Variants in DYNC2I2 observed in about 807,000 individuals in gnomAD.
The protein encoded by DYNC2I2 is cytoplasmic dynein 2 intermediate chain 2.
Under a neutral mutation model 52.0 loss-of-function variants are expected in DYNC2I2, and 39 were observed. The observed-to-expected ratio is 0.75, with a 90% CI of 0.58 to 0.98. The LOEUF (loss-of-function observed/expected upper bound fraction) is 0.98, where lower values mean the gene tolerates loss of function less well. DYNC2I2 is among the 50% of genes least tolerant of loss of function. The probability of loss-of-function intolerance (pLI) is 0.00; values close to 1 mark genes in which losing one functional copy is unlikely to be tolerated. For synonymous variants in DYNC2I2, 359 were observed against 321.1 expected, an observed-to-expected ratio of 1.12 and a Z score of -1.26; for missense variants, 743 against 728.4, an observed-to-expected ratio of 1.02 and a Z score of -0.23.
Position 128,633,996 on chromosome 9 carries a change from C to A in DYNC2I2, c.1373-14G>T. On this transcript the variant is annotated splice_polypyrimidine_tract_variant and intron_variant, in intron 8 of 8. Coordinates refer to ENST00000372715, the MANE Select transcript of DYNC2I2 (RefSeq NM_052844.4). ...GCTGCACGTCACCTGCAAAGAGAGA[C>A]AGATACGTGGAGTAAGAGAAACTCT... 1.2e-6 allele frequency: 2 copies of A among 1,612,684 alleles called. No homozygotes were observed. Among genetic ancestry groups the A allele is most frequent in the East Asian group, 2.2e-5 (1 of 44,880 alleles).
In DYNC2I2 at chr9:128,656,739, GC is replaced by G; in HGVS notation, c.-14del. The G allele has an allele frequency of 7.3e-7, 1 of 1,366,166 alleles. No homozygotes were observed. The highest frequency in any genetic ancestry group is 9.4e-7 in the Non-Finnish European group (1 of 1,060,902). 84.6% of individuals were successfully genotyped at this position (1,366,166 alleles called of 1,614,324 possible). A position where few individuals can be genotyped will look rare whatever the true frequency, so the allele number is the denominator to read the frequency against. On this transcript the variant is annotated 5_prime_UTR_variant, in exon 1 of 9. Coordinates refer to ENST00000372715, the MANE Select transcript of DYNC2I2 (RefSeq NM_052844.4). ...CGCGGGTTGCCATGGAGACGGTTCC[GC>G]CCTCTCGTGCGGACGCACTCAGGCG...
At chr9:128,683,854 G>T in the DYNC2I2 span, 1 of 1,504,748 alleles carries the variant, frequency 6.6e-7, no homozygotes. Context: ...TTCCGGACGG[G>T]CGAGGAGACT....
chr9:128,636,037 G>A lies in DYNC2I2; in HGVS notation c.703+244C>T, dbSNP rs1347885460. On this transcript the variant is annotated intron_variant, in intron 4 of 8. Coordinates refer to ENST00000372715, the MANE Select transcript of DYNC2I2 (RefSeq NM_052844.4). ...CACTGACGGCTTCCCAAGGGCACCT[G>A]CCTCTTCTGGCCTCTCCACAGCCCC... 9.7e-6 allele frequency: 7 copies of A among 723,584 alleles called. No individual in the cohort carries two copies. The East Asian group carries it at 1.4e-4, about 14-fold the overall frequency. The allele number at this position is 723,584 out of a possible 1,614,324, so 44.8% of individuals were successfully genotyped here. A position where few individuals can be genotyped will look rare whatever the true frequency, so the allele number is the denominator to read the frequency against.
the DYNC2I2 span, among the ~76,000 whole-genome samples, chr9:128,678,205 G>A: frequency 4.0e-5 from 6 of 150,098 alleles, no homozygotes; most frequent in Non-Finnish European, 7.4e-5. Context: ...GAGTAGCTAG[G>A]ATTACAGGCA....
chr9:128,683,017 C>T, the DYNC2I2 span, among the ~76,000 whole-genome samples: 20 of 150,792 alleles, frequency 1.3e-4, no homozygotes, highest in South Asian at 4.2e-3. Context: ...TTTTTTGAGA[C>T]AGGGTCCCGC....
chr9:128,635,513 G>A, intron 5 of DYNC2I2, 145 bp downstream of exon 5: 3 of 835,602 alleles, frequency 3.6e-6, no homozygotes, highest in Non-Finnish European at 5.6e-6. Flanking sequence ...GGCTCCTGAG[G>A]GGGGTGACTC....
intron 3 of DYNC2I2, 93 bp from the exon 4 acceptor site, chr9:128,636,531 C>A (rs1860419444): frequency 7.2e-7 from 1 of 1,396,070 alleles, no homozygotes; most frequent in Non-Finnish European, 9.7e-7. Context: ...GACACACTCG[C>A]TGTGTCCTTG....
upstream of DYNC2I2, among the ~76,000 whole-genome samples, chr9:128,660,091 T>G (rs1244267595): frequency 6.7e-6 from 1 of 148,656 alleles, no homozygotes; most frequent in Non-Finnish European, 1.5e-5. Context: ...CCCTCAAAAC[T>G]CATTATTATT....
chr9:128,656,785 G>T lies in DYNC2I2; in HGVS notation c.-59C>A. 2 of 1,306,980 alleles carry T rather than the reference G, an allele frequency of 1.5e-6. No homozygotes were observed. Among genetic ancestry groups the T allele is most frequent in the Non-Finnish European group, 2.0e-6 (2 of 1,025,002 alleles). The allele number at this position is 1,306,980 out of a possible 1,614,324, so 81.0% of individuals were successfully genotyped here. A position where few individuals can be genotyped will look rare whatever the true frequency, so the allele number is the denominator to read the frequency against. ...CAGGCGCGACCTCCGCCCCTACGCC[G>T]CCATGAGCGGAAAACGGGGAATGTG... On this transcript the variant is annotated 5_prime_UTR_variant, in exon 1 of 9. Transcript: ENST00000372715.
chr9:128,634,523 T>A, intron 7 of DYNC2I2, 140 bp from the exon 8 acceptor site: 1 of 1,320,144 alleles, frequency 7.6e-7, no homozygotes, highest in South Asian at 1.5e-5. Context: ...GGTCCTCTCA[T>A]TAGAGAAGGG....
chr9:128,678,381 A>T, the DYNC2I2 span, among the ~76,000 whole-genome samples: 3 of 150,234 alleles, frequency 2.0e-5, no homozygotes, highest in Non-Finnish European at 4.4e-5. Flanking sequence ...TTTTTTTTTT[A>T]AAAGAGGCCA....
chr9:128,668,029 C>T, the DYNC2I2 span, among the ~76,000 whole-genome samples: 6 of 115,928 alleles, frequency 5.2e-5, no homozygotes, highest in African/African-American at 1.2e-4. Flanking sequence ...GGCACAATCC[C>T]AGCTCACTGC....
At chr9:128,671,534 C>T in the DYNC2I2 span, among the ~76,000 whole-genome samples, 2 of 144,106 alleles carry the variant, frequency 1.4e-5, no homozygotes, top group Admixed American at 7.2e-5. Context: ...AGGGCAGTGG[C>T]CGATCTCGAT....
chr9:128,636,019 G>T, intron 4 of DYNC2I2: 1 of 697,918 alleles, frequency 1.4e-6, no homozygotes. Flanking sequence ...TACCACTGAC[G>T]GCTTCCCAAG....
chr9:128,633,724 CACCCGCCT>C lies in DYNC2I2; in HGVS notation c.*12_*19del, dbSNP rs1219539830. 3 of 1,606,896 alleles carry C rather than the reference CACCCGCCT, an allele frequency of 1.9e-6. No individual in the cohort carries two copies. In the African/African-American group the frequency reaches 4.0e-5, roughly 21 times the overall value. ...CAAGGCTCGGCACAGCGAAGGCTTG[CACCCGCCT>C]CCCGGGACCCCTCAGGCCGCCACCT... On this transcript the variant is annotated 3_prime_UTR_variant, in exon 9 of 9. Transcript: ENST00000372715.
At chr9:128,662,413 T>C in the DYNC2I2 span, among the ~76,000 whole-genome samples, 12 of 150,308 alleles carry the variant, frequency 8.0e-5, no homozygotes, top group African/African-American at 2.9e-4. Context: ...CTTGGGTGTT[T>C]TGTTTTGTTT....
chr9:128,683,922 C>G, the DYNC2I2 span: 3 of 1,554,360 alleles, frequency 1.9e-6, no homozygotes, highest in Non-Finnish European at 8.7e-7. Flanking sequence ...AGTCTCCACT[C>G]CCGCCTCAAA....
In DYNC2I2 at chr9:128,633,786, T is replaced by G; in HGVS notation, c.1569A>C (p.Glu523Asp). The change falls in exon 9 of 9, where the codon GAA becomes GAC. Residue 523 changes from glutamate (E) to aspartate (D), a missense_variant. Physicochemically the swap from Glu to Asp is conservative, Grantham distance 45 (BLOSUM62 2). Coordinates refer to ENST00000372715, the MANE Select transcript of DYNC2I2 (RefSeq NM_052844.4). ...CTGCCAGGCAGTCCAGGTCCTCAGC[T>G]TCCCGGGGCCCTTGTTCCGTGAACT... ...STEFTEQGPR[E>D]AEDLDCLAAE... 1.2e-6 allele frequency: 2 copies of G among 1,613,584 alleles called. No homozygotes were observed. The highest frequency in any genetic ancestry group is 1.7e-6 in the Non-Finnish European group (2 of 1,180,030).
rs771205291 is a variant in DYNC2I2 at position 128,634,861 on chromosome 9, T to G, written c.1042A>C (p.Arg348=). The change falls in exon 7 of 9, where the codon AGG becomes CGG. Residue 348 remains arginine (R), a synonymous_variant. Transcript: ENST00000372715. ...CCTTCCGTGCCCAGAATGAACAGCC[T>G]AGGGTCAAAGCTGGAGAAGGCCACT... ...TAVAFSSFDP[R]LFILGTEGGF... 1 of 1,613,468 alleles carries G rather than the reference T, an allele frequency of 6.2e-7. No homozygotes were observed. The highest frequency in any genetic ancestry group is 8.5e-7 in the Non-Finnish European group (1 of 1,179,952).
Sources: gnomAD v4.1 joint callset for allele counts (sites outside exome capture counted in the v4.1 genomes callset) on GRCh38, gnomAD v4.1.1 for gene constraint, MANE v1.5 for transcripts, NCBI Gene and HGNC (gene_info 2026-07-23, HGNC 2026-07-21) for gene names.